The following ARHGEF26 variants were observed in gnomAD, a reference collection of about 807,000 sequenced individuals.
ARHGEF26 encodes Rho guanine nucleotide exchange factor 26.
In ARHGEF26, 59 loss-of-function variants were observed where a neutral mutation model predicts 89.4. The ratio of observed to expected loss-of-function variants is 0.66; its 90% CI spans 0.54 to 0.82. The LOEUF (loss-of-function observed/expected upper bound fraction) is 0.82. ARHGEF26 is among the 40% of genes least tolerant of loss of function. The pLI is 0.00. For missense variants in ARHGEF26, 1,234 were observed against 1,085.6 expected, an observed-to-expected ratio of 1.14 and a Z score of -1.92; for synonymous variants, 500 against 428.4, an observed-to-expected ratio of 1.17 and a Z score of -2.06.
At chr3:154,204,288 A>G (rs921476309) in intron 9 of ARHGEF26, among the ~76,000 whole-genome samples, 2 of 133,304 alleles carry the variant, frequency 1.5e-5, no homozygotes, top group Non-Finnish European at 3.3e-5. Flanking sequence ...TTTTCTACCA[A>G]TTTTGGGTTT....
Position 154,217,898 on chromosome 3 carries a change from G to C in ARHGEF26, c.1875G>C (p.Arg625=), listed in dbSNP as rs58270331. The change falls in exon 10 of 15, where the codon CGG becomes CGC. Residue 625 remains arginine (R), a synonymous_variant. Transcript: ENST00000465093. Reference sequence around the variant, plus strand: ...TTCGACTATGCAATGAGGGCGCCCGGAAGATGGAAAGGACTGAGATGATGT... The same window carrying C: ...TTCGACTATGCAATGAGGGCGCCCGCAAGATGGAAAGGACTGAGATGATGT... ...KLVRLCNEGA[R]KMERTEMMYT... is the part of the protein sequence containing the mutation. 15 of 1,603,118 alleles carry C rather than the reference G, an allele frequency of 9.4e-6. No homozygotes were observed. The highest frequency in any genetic ancestry group is 1.3e-5 in the Non-Finnish European group (15 of 1,174,636).
chr3:154,185,455 C>T (rs1270341179), intron 6 of ARHGEF26, among the ~76,000 whole-genome samples: 1 of 152,084 alleles, frequency 6.6e-6, no homozygotes, highest in Non-Finnish European at 1.5e-5. Context: ...TCACAGAACT[C>T]AGGAAGGTAC....
At chr3:154,207,319 G>A (rs1268534937) in intron 9 of ARHGEF26, among the ~76,000 whole-genome samples, 10 of 152,070 alleles carry the variant, frequency 6.6e-5, no homozygotes, top group African/African-American at 2.4e-4. Context: ...TAAACAGACA[G>A]CCTACAGAAT....
At chr3:154,231,768 A>C (rs1218971386) in intron 11 of ARHGEF26, among the ~76,000 whole-genome samples, 1 of 152,184 alleles carries the variant, frequency 6.6e-6, no homozygotes, top group Non-Finnish European at 1.5e-5. Flanking sequence ...TTTAGGAATA[A>C]ATGCCTTTAA....
intron 1 of ARHGEF26, 85 bp from the exon 2 acceptor site, chr3:154,121,857 G>A: frequency 3.2e-6 from 4 of 1,245,124 alleles, no homozygotes; most frequent in Non-Finnish European, 4.4e-6. Flanking sequence ...CAGCAGCAGG[G>A]GGACCGCCGG....
At chr3:154,161,098 GT>G (rs74681549) in intron 6 of ARHGEF26, among the ~76,000 whole-genome samples, 2,489 of 18,724 alleles carry the variant, frequency 0.13, 71 homozygotes, top group East Asian at 0.24. Context: ...TGGTAGCCAG[GT>G]TTGTGTGTGT....
chr3:154,228,275 T>C lies in ARHGEF26; in HGVS notation c.2090+2265T>C, dbSNP rs1335141896. On this transcript the variant is annotated intron_variant, in intron 11 of 14. Transcript: ENST00000465093. ...GCCTCAGCCTCCTGAGTAGCTGGGA[T>C]TACAGGCATGCGCCACCATGCCTGG... 2.0e-5 allele frequency among the ~76,000 whole-genome samples: 3 copies of C among 151,740 alleles called. No homozygotes were observed. The East Asian group carries it at 5.8e-4, about 30-fold the overall frequency.
intron 6 of ARHGEF26, among the ~76,000 whole-genome samples, chr3:154,156,031 A>T (rs1324984083): frequency 2.0e-5 from 3 of 152,046 alleles, no homozygotes. Context: ...TTATCAAAAC[A>T]TAAAGGATAA....
At chr3:154,182,427 CTG>C (rs1576746773) in intron 6 of ARHGEF26, among the ~76,000 whole-genome samples, 1 of 152,134 alleles carries the variant, frequency 6.6e-6, no homozygotes, top group Non-Finnish European at 1.5e-5. Flanking sequence ...TTTGATCACA[CTG>C]TGTCAACCAG....
intron 3 of ARHGEF26, among the ~76,000 whole-genome samples, chr3:154,124,933 A>G (rs1035156858): frequency 5.9e-5 from 9 of 151,792 alleles, no homozygotes; most frequent in African/African-American, 2.2e-4. Context: ...ACAAAAACAT[A>G]TTCTTAAGAC....
intron 6 of ARHGEF26, among the ~76,000 whole-genome samples, chr3:154,171,021 A>G (rs931554302): frequency 3.3e-5 from 5 of 152,174 alleles, no homozygotes; most frequent in Non-Finnish European, 7.4e-5. Context: ...TGGAGAAGAG[A>G]AATGGGAGAG....
chr3:154,251,537 T>C (rs1168467036), intron 12 of ARHGEF26, among the ~76,000 whole-genome samples: 1 of 152,238 alleles, frequency 6.6e-6, no homozygotes, highest in East Asian at 1.9e-4. Flanking sequence ...ATGGATAAGC[T>C]GCCTGCTTTT....
chr3:154,211,587 C>T (rs375742721), intron 9 of ARHGEF26, among the ~76,000 whole-genome samples: 30 of 152,048 alleles, frequency 2.0e-4, no homozygotes, highest in African/African-American at 4.3e-4. Context: ...TTCAGCAATA[C>T]GAAGATAAAA....
intron 6 of ARHGEF26, among the ~76,000 whole-genome samples, chr3:154,161,706 C>T (rs1362482445): frequency 6.6e-6 from 1 of 152,138 alleles, no homozygotes; most frequent in Non-Finnish European, 1.5e-5. Flanking sequence ...TACATTTTAG[C>T]AATCATCTTT....
intron 2 of ARHGEF26, among the ~76,000 whole-genome samples, chr3:154,123,628 G>A (rs1248595228): frequency 6.6e-6 from 1 of 152,156 alleles, no homozygotes; most frequent in African/African-American, 2.4e-5. Context: ...GATCACAAAA[G>A]ACATAAATAT....
At chr3:154,212,689 CAG>C (rs1382871342) in intron 9 of ARHGEF26, among the ~76,000 whole-genome samples, 1 of 152,104 alleles carries the variant, frequency 6.6e-6, no homozygotes, top group African/African-American at 2.4e-5. Flanking sequence ...AAGGAGCACA[CAG>C]CCTAGATCCT....
intron 1 of ARHGEF26, among the ~76,000 whole-genome samples, 187 bp downstream of exon 1, chr3:154,121,706 T>C (rs1717929355): frequency 6.6e-6 from 1 of 152,162 alleles, no homozygotes; most frequent in African/African-American, 2.4e-5. Flanking sequence ...GCGGGTGGTC[T>C]TTTGGCGCGG....
At chr3:154,216,606 C>A (rs868523304) in intron 9 of ARHGEF26, among the ~76,000 whole-genome samples, 12 of 136,006 alleles carry the variant, frequency 8.8e-5, no homozygotes, top group Middle Eastern at 3.8e-3. Context: ...CATATGTATA[C>A]ATGTGCCATG....
chr3:154,153,517 C>A (rs1490256455), intron 6 of ARHGEF26, among the ~76,000 whole-genome samples: 1 of 151,966 alleles, frequency 6.6e-6, no homozygotes, highest in African/African-American at 2.4e-5. Flanking sequence ...CAGTATTCAG[C>A]TCTTAAGAAT....
Sources: gnomAD v4.1 joint callset for allele counts (sites outside exome capture counted in the v4.1 genomes callset) on GRCh38, gnomAD v4.1.1 for gene constraint, MANE v1.5 for transcripts, NCBI Gene and HGNC (gene_info 2026-07-23, HGNC 2026-07-21) for gene names.